STK39: variants seen among roughly 807,000 people sequenced by gnomAD.
STK39 encodes serine/threonine kinase 39.
In STK39, 20 loss-of-function variants were observed where a neutral mutation model predicts 77.8. The ratio of observed to expected loss-of-function variants is 0.26; its 90% CI spans 0.18 to 0.37. STK39 has a LOEUF of 0.37. Among genes scored for constraint, STK39 ranks in the 10% least tolerant of loss-of-function variants. The probability of loss-of-function intolerance (pLI) is 1.00; values close to 1 mark genes in which losing one functional copy is unlikely to be tolerated. For synonymous variants in STK39, 246 were observed against 234.1 expected (o/e 1.05, Z -0.47); for missense variants, 479 against 656.5 (o/e 0.73, Z 2.95).
intron 14 of STK39, among the ~76,000 whole-genome samples, chr2:168,024,290 C>T (rs2105330103): frequency 6.6e-6 from 1 of 152,298 alleles, no homozygotes; most frequent in African/African-American, 2.4e-5. Context: ...TTCAAAACCA[C>T]AAACTACTTA....
chr2:168,166,398 C>T (rs569767614), intron 3 of STK39, among the ~76,000 whole-genome samples: 83 of 152,312 alleles, frequency 5.4e-4, no homozygotes, highest in African/African-American at 1.9e-3. Context: ...ATTAAATTGT[C>T]AATGGCTTGC....
At chr2:168,025,163 C>CCATTT (rs1488744116) in intron 14 of STK39, among the ~76,000 whole-genome samples, 1 of 152,148 alleles carries the variant, frequency 6.6e-6, no homozygotes, top group Non-Finnish European at 1.5e-5. Context: ...CCATCCCTCA[C>CCATTT]CATTTCCCCT....
At chr2:168,052,795 G>A (rs1685430819) in intron 14 of STK39, among the ~76,000 whole-genome samples, 1 of 152,158 alleles carries the variant, frequency 6.6e-6, no homozygotes, top group African/African-American at 2.4e-5. Context: ...AGCTTTCGAA[G>A]GAAGTATCCA....
At chr2:168,003,315 A>G (rs1684047687) in intron 16 of STK39, among the ~76,000 whole-genome samples, 1 of 152,236 alleles carries the variant, frequency 6.6e-6, no homozygotes, top group Non-Finnish European at 1.5e-5. Flanking sequence ...AATGGTAGTC[A>G]TTCATCTGAA....
intron 16 of STK39, among the ~76,000 whole-genome samples, chr2:167,995,873 C>G (rs1683825939): frequency 6.6e-6 from 1 of 152,158 alleles, no homozygotes; most frequent in African/African-American, 2.4e-5. Context: ...CCTTCCCAGC[C>G]CTTTTGTCTG....
At chr2:167,978,326 A>T (rs971669096) in intron 16 of STK39, among the ~76,000 whole-genome samples, 38 of 152,040 alleles carry the variant, frequency 2.5e-4, no homozygotes, top group African/African-American at 9.2e-4. Context: ...CTGAAACAAA[A>T]TTTTCAGAGT....
At position 168,071,869 on chromosome 2, in the gene STK39, C is replaced by CAA. The variant is rs201293469; in HGVS notation, c.1242+3111_1242+3112dup. On this transcript the variant is annotated intron_variant, in intron 12 of 17. Transcript: ENST00000355999. ...TGGGCAACAGAGTGAGACTCCATCTCAAAAAAAAAAAAAAAAAATTCAAAA... is the reference window on the plus strand; with the variant it reads ...TGGGCAACAGAGTGAGACTCCATCTCAAAAAAAAAAAAAAAAAAAATTCAAAA... Among the ~76,000 whole-genome samples, 35 of 105,476 alleles carry CAA rather than the reference C, an allele frequency of 3.3e-4. 1 individual carries two copies. Among genetic ancestry groups the CAA allele is most frequent in the East Asian group, 3.1e-3 (12 of 3,852 alleles). 69.2% of individuals were successfully genotyped at this position (105,476 alleles called of 152,430 possible).
At chr2:168,134,816 G>A (rs986354743) in intron 8 of STK39, among the ~76,000 whole-genome samples, 5 of 152,018 alleles carry the variant, frequency 3.3e-5, no homozygotes, top group South Asian at 2.1e-4. Flanking sequence ...CTGTTTTCTC[G>A]CAATATTTTT....
At chr2:168,040,481 G>A (rs899168960) in intron 14 of STK39, among the ~76,000 whole-genome samples, 1 of 152,308 alleles carries the variant, frequency 6.6e-6, no homozygotes, top group East Asian at 1.9e-4. Flanking sequence ...TCATGTGGAT[G>A]AAAAATGTAA....
At chr2:168,045,462 C>A (rs1409229717) in intron 14 of STK39, among the ~76,000 whole-genome samples, 1 of 150,764 alleles carries the variant, frequency 6.6e-6, no homozygotes, top group Non-Finnish European at 1.5e-5. Flanking sequence ...TTTATTTGAA[C>A]TATTCTCCAC....
At chr2:168,221,846 G>A (rs1299941014) in intron 1 of STK39, among the ~76,000 whole-genome samples, 2 of 127,554 alleles carry the variant, frequency 1.6e-5, no homozygotes, top group African/African-American at 2.6e-5. Flanking sequence ...TTAACCCATC[G>A]TCTGATCAAG....
intron 1 of STK39, among the ~76,000 whole-genome samples, chr2:168,198,147 G>A (rs1314076346): frequency 6.6e-6 from 1 of 151,996 alleles, no homozygotes; most frequent in East Asian, 1.9e-4. Flanking sequence ...ATATTCCATT[G>A]CAATCTTTAC....
chr2:168,111,287 T>C (rs1194044624), intron 10 of STK39, among the ~76,000 whole-genome samples: 1 of 152,200 alleles, frequency 6.6e-6, no homozygotes, highest in Non-Finnish European at 1.5e-5. Context: ...ATTAAGATTG[T>C]TCTTTTCTAA....
intron 14 of STK39, among the ~76,000 whole-genome samples, chr2:168,039,132 C>T (rs1331800194): frequency 1.3e-5 from 2 of 151,936 alleles, no homozygotes; most frequent in Non-Finnish European, 2.9e-5. Context: ...AAAAAAAATC[C>T]CCAAATGTCC....
intron 10 of STK39, among the ~76,000 whole-genome samples, chr2:168,118,696 C>T (rs1687323296): frequency 6.6e-6 from 1 of 151,834 alleles, no homozygotes; most frequent in African/African-American, 2.4e-5. Flanking sequence ...TTTCCTCTAC[C>T]CTCACCTCTG....
At chr2:168,063,441 A>G in intron 14 of STK39, 59 bp downstream of exon 14, 1 of 1,433,236 alleles carries the variant, frequency 7.0e-7, no homozygotes, top group African/African-American at 1.4e-5. Flanking sequence ...TTAACGAAGG[A>G]GATTTAAAAA....
rs377144602 is a variant in STK39, at chr2:168,063,435, C to T, written c.1376+65G>A. ...TTATGCTAATATTATGAAAGGTTAA[C>T]GAAGGAGATTTAAAAAATTGTACTA... is the stretch of plus-strand genomic sequence containing the variant. On this transcript the variant is annotated intron_variant, in intron 14 of 17. Transcript: ENST00000355999. 72 of 1,397,458 alleles carry T rather than the reference C, an allele frequency of 5.2e-5. No individual in the cohort carries two copies. The East Asian group carries it at 1.4e-3, about 27-fold the overall frequency. The allele number at this position is 1,397,458 out of a possible 1,614,324, so 86.6% of individuals were successfully genotyped here. A position where few individuals can be genotyped will look rare whatever the true frequency, so the allele number is the denominator to read the frequency against.
Position 168,206,958 on chromosome 2 carries a change from C to T in STK39, c.209-24868G>A, listed in dbSNP as rs144473118. Reference sequence around the variant, plus strand: ...AAACAAGCTGGGTTCACAATATGAACACAACTCCAGGTAAACCCATTCACT... The same window carrying T: ...AAACAAGCTGGGTTCACAATATGAATACAACTCCAGGTAAACCCATTCACT... On this transcript the variant is annotated intron_variant, in intron 1 of 17. Coordinates refer to ENST00000355999, the MANE Select transcript of STK39 (RefSeq NM_013233.3). Among the ~76,000 whole-genome samples the T allele has an allele frequency of 2.3e-3, 355 of 152,298 alleles. 1 individual carries two copies. Among genetic ancestry groups the T allele is most frequent in the Non-Finnish European group, 3.8e-3 (260 of 68,034 alleles).
intron 14 of STK39, among the ~76,000 whole-genome samples, chr2:168,027,088 G>C (rs1466087738): frequency 1.3e-5 from 2 of 152,178 alleles, no homozygotes; most frequent in African/African-American, 2.4e-5. Flanking sequence ...TGAGTTTGTT[G>C]AGGTTGGAGG....
Sources: allele counts gnomAD v4.1 joint callset (sites outside exome capture counted in the v4.1 genomes callset), GRCh38; gene constraint gnomAD v4.1.1; transcripts MANE v1.5; gene names NCBI Gene and HGNC (gene_info 2026-07-23, HGNC 2026-07-21).